Variants in TACC1 observed in about 807,000 individuals in gnomAD.
TACC1 encodes transforming acidic coiled-coil-containing protein 1.
TACC1 carries 48 observed loss-of-function variants against 84.4 expected under a neutral mutation model. The ratio of observed to expected loss-of-function variants is 0.57; its 90% CI spans 0.45 to 0.72. TACC1 has a LOEUF of 0.72. Among genes scored for constraint, TACC1 ranks in the 30% least tolerant of loss-of-function variants. TACC1 has a pLI of 0.00. For synonymous variants in TACC1, 372 were observed against 376.3 expected, an observed-to-expected ratio of 0.99 and a Z score of 0.13; for missense variants, 920 against 973.0, an observed-to-expected ratio of 0.95 and a Z score of 0.72.
At chr8:38,802,453 T>C (rs1821621095) in intron 2 of TACC1, among the ~76,000 whole-genome samples, 1 of 152,124 alleles carries the variant, frequency 6.6e-6, no homozygotes, top group Non-Finnish European at 1.5e-5. Context: ...CTTGTGAGAA[T>C]CTAATGCCTG....
intron 3 of TACC1, among the ~76,000 whole-genome samples, chr8:38,746,148 T>C (rs1477802619): frequency 1.3e-5 from 2 of 152,196 alleles, no homozygotes; most frequent in Admixed American, 1.3e-4. Flanking sequence ...TGTTATTTTA[T>C]AGTTTTAGGA....
At chr8:38,788,225 G>A (rs1817775861) in intron 1 of TACC1, 1 of 172,896 alleles carries the variant, frequency 5.8e-6, no homozygotes, top group Non-Finnish European at 1.2e-5. Context: ...CTGCCGGGCT[G>A]TCATCCGCGT....
chr8:38,848,557 A>C lies in TACC1; in HGVS notation c.*534A>C, dbSNP rs1832703105. ...CTCACACACATACATGTATGTTTAT[A>C]GATGCTGCTGCTCTTTTCCCTGAAG... On this transcript the variant is annotated 3_prime_UTR_variant, in exon 13 of 13. Transcript: ENST00000317827. 1 of 152,684 alleles carries C rather than the reference A, an allele frequency of 6.5e-6. No homozygotes were observed. The highest frequency in any genetic ancestry group is 1.5e-5 in the Non-Finnish European group (1 of 68,068). The allele number at this position is 152,684 out of a possible 1,614,324, so 9.5% of individuals were successfully genotyped here. A position where few individuals can be genotyped will look rare whatever the true frequency, so the allele number is the denominator to read the frequency against.
Position 38,819,779 on chromosome 8 carries a change from T to G in TACC1, c.535T>G (p.Ser179Ala). Residue 179 changes from serine (S) to alanine (A), a missense_variant, in exon 3 of 13, where the codon TCA becomes GCA. Physicochemically the swap from Ser to Ala is moderately conservative, Grantham distance 99 (BLOSUM62 1). This residue lies in a region of TACC1 where 762 missense variants were observed against 747.3 expected (regional missense o/e 1.02). Transcript: ENST00000317827. ...KAAHGCVTAV[S>A]GKALPSSPPD... is the part of the protein sequence containing the mutation. ...AGCTCATGGCTGTGTAACTGCAGTC[T>G]CAGGCAAGGCTCTGCCTTCCAGCCC... is the stretch of plus-strand genomic sequence containing the variant. 1 of 1,613,958 alleles carries G rather than the reference T, an allele frequency of 6.2e-7. No individual in the cohort carries two copies. The highest frequency in any genetic ancestry group is 8.5e-7 in the Non-Finnish European group (1 of 1,180,034).
At chr8:38,736,976 T>C (rs915896573) in intron 1 of TACC1, among the ~76,000 whole-genome samples, 2 of 152,084 alleles carry the variant, frequency 1.3e-5, no homozygotes, top group Non-Finnish European at 2.9e-5. Context: ...ACACAAAAAT[T>C]GTGGAAGGGC....
At chr8:38,824,214 G>A (rs1010752179) in intron 3 of TACC1, among the ~76,000 whole-genome samples, 5 of 152,114 alleles carry the variant, frequency 3.3e-5, no homozygotes, top group African/African-American at 1.2e-4. Flanking sequence ...AAGGGAGTGG[G>A]GCTTGGCCTT....
chr8:38,771,146 A>G (rs1346921794), intron 3 of TACC1, among the ~76,000 whole-genome samples: 1 of 152,158 alleles, frequency 6.6e-6, no homozygotes, highest in Non-Finnish European at 1.5e-5. Context: ...CCTTTGCTAA[A>G]CCAAGTGCTG....
At chr8:38,791,790 G>T (rs1230931674) in intron 2 of TACC1, among the ~76,000 whole-genome samples, 4 of 152,316 alleles carry the variant, frequency 2.6e-5, no homozygotes, top group South Asian at 4.1e-4. Flanking sequence ...AGGAGTTGGA[G>T]TTGAAATATG....
rs750158797 is a variant in TACC1, at chr8:38,820,377, C to T, written c.1133C>T (p.Ser378Phe). The change falls in exon 3 of 13, where the codon TCC becomes TTC. Residue 378 changes from serine (S) to phenylalanine (F), a missense_variant. Around this residue, in one of 2 missense-constraint regions of TACC1, gnomAD observed 762 missense variants for 747.3 expected, o/e 1.02. Transcript: ENST00000317827. ...TDPVARDGPL[S>F]QTSSKPDPSQ... The stretch of plus-strand genomic sequence containing the variant: ...CCAGTGGCACGAGACGGGCCTCTCT[C>T]CCAAACATCTTCCAAGCCAGATCCT... The T allele has an allele frequency of 1.6e-5, 26 of 1,614,030 alleles. No individual in the cohort carries two copies. The highest frequency in any genetic ancestry group is 2.2e-5 in the Non-Finnish European group (26 of 1,180,024).
intron 1 of TACC1, among the ~76,000 whole-genome samples, chr8:38,741,680 C>T (rs1217194102): frequency 6.6e-6 from 1 of 152,122 alleles, no homozygotes; most frequent in Non-Finnish European, 1.5e-5. Flanking sequence ...CCTGCCCGTC[C>T]AAGACTAGAC....
chr8:38,845,590 A>G (rs188522378), intron 11 of TACC1, among the ~76,000 whole-genome samples: 150 of 152,344 alleles, frequency 9.8e-4, no homozygotes, highest in Middle Eastern at 3.4e-3. Context: ...TCGTGGAACT[A>G]TAGCATTTCT....
rs989312197 is a variant in TACC1, at chr8:38,849,844, A to G, written c.*1821A>G. ...AAGCAGTCACTGTGGTGTAATATGA[A>G]TGCTGTCCTAGTGGTCATAGTACCA... On this transcript the variant is annotated 3_prime_UTR_variant, in exon 13 of 13. Coordinates refer to ENST00000317827, the MANE Select transcript of TACC1 (RefSeq NM_006283.3). The G allele has an allele frequency of 3.3e-5, 5 of 152,670 alleles. No individual in the cohort carries two copies. The highest frequency in any genetic ancestry group is 7.3e-5 in the Non-Finnish European group (5 of 68,050). The allele number at this position is 152,670 out of a possible 1,614,324, so 9.5% of individuals were successfully genotyped here.
At chr8:38,807,515 G>A (rs1823052081) in intron 2 of TACC1, among the ~76,000 whole-genome samples, 1 of 152,190 alleles carries the variant, frequency 6.6e-6, no homozygotes, top group Non-Finnish European at 1.5e-5. Context: ...TTGCCATACA[G>A]TTAAAATCTG....
intron 2 of TACC1, among the ~76,000 whole-genome samples, chr8:38,807,007 G>A (rs1822916572): frequency 6.6e-6 from 1 of 152,258 alleles, no homozygotes; most frequent in African/African-American, 2.4e-5. Flanking sequence ...CGAGAATTCA[G>A]GAAAATGCTA....
chr8:38,745,764 A>C (rs1402400845), intron 3 of TACC1, among the ~76,000 whole-genome samples: 1 of 152,024 alleles, frequency 6.6e-6, no homozygotes, highest in East Asian at 1.9e-4. Flanking sequence ...GGCTGGTCTT[A>C]AACTCCTGAC....
At chr8:38,807,648 C>T (rs1416439937) in intron 2 of TACC1, among the ~76,000 whole-genome samples, 3 of 152,198 alleles carry the variant, frequency 2.0e-5, no homozygotes, top group Non-Finnish European at 4.4e-5. Flanking sequence ...AAGCAGCTAA[C>T]CAGTTGATTC....
intron 3 of TACC1, among the ~76,000 whole-genome samples, chr8:38,765,739 A>G (rs1812115225): frequency 6.6e-6 from 1 of 152,196 alleles, no homozygotes; most frequent in Admixed American, 6.5e-5. Context: ...AAATGCATGA[A>G]ATCTGAATAT....
In TACC1 at chr8:38,752,530, A is replaced by G. The variant is rs1416391079; in HGVS notation, c.26+7037A>G. Among the ~76,000 whole-genome samples, 4 of 152,108 alleles carry G rather than the reference A, an allele frequency of 2.6e-5. No individual in the cohort carries two copies. In the East Asian group the frequency reaches 7.7e-4, roughly 29 times the overall value. ...AACCCCAAAACCAAAAAACAACAAA[A>G]AAAACCTTCTTGACCGAATTGTTAT... On this transcript the variant is annotated intron_variant, in intron 3 of 14. Transcript: ENST00000518415.
At chr8:38,737,438 A>G (rs1797457748) in intron 1 of TACC1, among the ~76,000 whole-genome samples, 1 of 152,222 alleles carries the variant, frequency 6.6e-6, no homozygotes, top group African/African-American at 2.4e-5. Flanking sequence ...GGGCTGGAAC[A>G]GAAATCTACA....
Sources: allele counts gnomAD v4.1 joint callset (sites outside exome capture counted in the v4.1 genomes callset), GRCh38; gene constraint gnomAD v4.1.1; regional missense constraint gnomAD v4.1.1; transcripts MANE v1.5; gene names NCBI Gene and HGNC (gene_info 2026-07-23, HGNC 2026-07-21).